Variants in USP25 observed in about 807,000 individuals in gnomAD.
The protein encoded by USP25 is ubiquitin specific peptidase 25, also known as ubiquitin carboxyl-terminal hydrolase 25.
In USP25, 85 loss-of-function variants were observed where a neutral mutation model predicts 158.5. That is an observed-to-expected ratio of 0.54 (90% confidence interval 0.45 to 0.64). The LOEUF is 0.64. Among genes scored for constraint, USP25 ranks in the 30% least tolerant of loss-of-function variants. The pLI, the probability that USP25 is intolerant of heterozygous loss-of-function variation, is 0.00. For missense variants in USP25, 1,242 were observed against 1,327.3 expected (o/e 0.94, Z 1.00); for synonymous variants, 464 against 460.4 (o/e 1.01, Z -0.10).
At chr21:15,793,656 TA>T (rs1282442612) in intron 5 of USP25, among the ~76,000 whole-genome samples, 3 of 151,534 alleles carry the variant, frequency 2.0e-5, no homozygotes, top group African/African-American at 7.3e-5. Flanking sequence ...CTAGGAGAAG[TA>T]ACCTATAAGC....
At chr21:15,793,045 A>G (rs937982487) in intron 5 of USP25, among the ~76,000 whole-genome samples, 1 of 151,634 alleles carries the variant, frequency 6.6e-6, no homozygotes, top group Admixed American at 6.6e-5. Flanking sequence ...AGGTTTGTGC[A>G]TATGATAATT....
rs181917638 is a variant in USP25 at position 15,777,335 on chromosome 21, T to G, written c.269-569T>G. Among the ~76,000 whole-genome samples the G allele has an allele frequency of 5.1e-3, 778 of 152,278 alleles. 6 individuals carry two copies. The highest frequency in any genetic ancestry group is 0.017 in the African/African-American group (725 of 41,574). ...AGTGAAAGATTCTTATACTTCTTCC[T>G]CCTATAACTCCTTTCCTCAGAGTTA... On this transcript the variant is annotated intron_variant, in intron 3 of 25. Coordinates refer to ENST00000400183, the MANE Select transcript of USP25 (RefSeq NM_001283041.3).
At chr21:15,772,886 T>C (rs1360934777) in intron 3 of USP25, among the ~76,000 whole-genome samples, 1 of 152,192 alleles carries the variant, frequency 6.6e-6, no homozygotes, top group Admixed American at 6.5e-5. Flanking sequence ...GGACCGTATG[T>C]GAGGGATCTT....
At chr21:15,794,084 G>A (rs1330122030) in intron 5 of USP25, among the ~76,000 whole-genome samples, 3 of 151,638 alleles carry the variant, frequency 2.0e-5, no homozygotes, top group South Asian at 4.2e-4. Context: ...TCTCGGGGAT[G>A]GAATTTACTT....
chr21:15,858,470 T>TA (rs2039265126), intron 20 of USP25, among the ~76,000 whole-genome samples: 1 of 151,930 alleles, frequency 6.6e-6, no homozygotes, highest in Middle Eastern at 3.2e-3. Context: ...ATTTTTTTTT[T>TA]AACCAGGTTA....
chr21:15,795,206 A>G (rs1169354120), intron 5 of USP25, among the ~76,000 whole-genome samples: 2 of 151,318 alleles, frequency 1.3e-5, no homozygotes, highest in African/African-American at 4.8e-5. Flanking sequence ...CTTTTGTTTC[A>G]TCTCTCAACA....
At chr21:15,856,534 C>T (rs1440171195) in intron 20 of USP25, among the ~76,000 whole-genome samples, 12 of 151,768 alleles carry the variant, frequency 7.9e-5, no homozygotes, top group African/African-American at 2.7e-4. Context: ...TGCAGTGGCG[C>T]AGTCTCGGCT....
At chr21:15,800,961 G>A (rs2036104765) in intron 6 of USP25, among the ~76,000 whole-genome samples, 2 of 151,390 alleles carry the variant, frequency 1.3e-5, no homozygotes, top group African/African-American at 2.4e-5. Flanking sequence ...AGTCAGGATC[G>A]TCTGACAAAC....
chr21:15,866,665 A>G (rs1166768883), intron 22 of USP25, among the ~76,000 whole-genome samples: 1 of 152,178 alleles, frequency 6.6e-6, no homozygotes, highest in Non-Finnish European at 1.5e-5. Flanking sequence ...TAATTTTGAA[A>G]TCAACTTAGA....
chr21:15,748,620 T>C (rs2032757030), intron 1 of USP25, among the ~76,000 whole-genome samples: 1 of 152,140 alleles, frequency 6.6e-6, no homozygotes, highest in South Asian at 2.1e-4. Context: ...ATTTTTATTA[T>C]GGTTTTACTG....
intron 2 of USP25, 98 bp downstream of exon 2, chr21:15,763,066 T>A: frequency 8.9e-7 from 1 of 1,126,562 alleles, no homozygotes; most frequent in Non-Finnish European, 1.2e-6. Flanking sequence ...GTATACCATG[T>A]GGTAGTTTTA....
chr21:15,769,314 T>C (rs1414780639), intron 3 of USP25, among the ~76,000 whole-genome samples: 1 of 152,110 alleles, frequency 6.6e-6, no homozygotes, highest in Admixed American at 6.6e-5. Context: ...CAAAGAAATC[T>C]TGTGCTCTGC....
chr21:15,844,296 A>T (rs993652611), intron 18 of USP25, among the ~76,000 whole-genome samples: 1 of 152,138 alleles, frequency 6.6e-6, no homozygotes, highest in African/African-American at 2.4e-5. Flanking sequence ...GGTGAAAAGT[A>T]TCTTCAGACT....
At chr21:15,830,110 T>G (rs1243713535) in intron 14 of USP25, among the ~76,000 whole-genome samples, 1 of 152,216 alleles carries the variant, frequency 6.6e-6, no homozygotes, top group Non-Finnish European at 1.5e-5. Context: ...CATAATTTTA[T>G]TTTCACTGGT....
At chr21:15,785,003 T>A (rs966461999) in intron 4 of USP25, among the ~76,000 whole-genome samples, 3 of 150,286 alleles carry the variant, frequency 2.0e-5, no homozygotes, top group African/African-American at 4.9e-5. Context: ...GTATGTTGCC[T>A]ACAAGAGACA....
chr21:15,874,578 A>G (rs2040025330), intron 24 of USP25, 52 bp downstream of exon 24: 1 of 1,519,190 alleles, frequency 6.6e-7, no homozygotes, highest in Non-Finnish European at 8.8e-7. Flanking sequence ...ACATTGGGCA[A>G]GTTTTCCAGA....
At chr21:15,846,548 A>C (rs574535466) in intron 18 of USP25, among the ~76,000 whole-genome samples, 2 of 152,038 alleles carry the variant, frequency 1.3e-5, no homozygotes, top group African/African-American at 4.8e-5. Flanking sequence ...CTCTTTTTCT[A>C]TATATGCTTC....
chr21:15,736,866 T>C, intron 1 of USP25, among the ~76,000 whole-genome samples: 1 of 151,860 alleles, frequency 6.6e-6, no homozygotes, highest in South Asian at 2.1e-4. Flanking sequence ...TTTAACTGTG[T>C]TTTTTGGTCT....
At chr21:15,802,537 C>G (rs2036181739) in intron 6 of USP25, among the ~76,000 whole-genome samples, 1 of 151,488 alleles carries the variant, frequency 6.6e-6, no homozygotes, top group Non-Finnish European at 1.5e-5. Flanking sequence ...TAATTCACCT[C>G]TAAATATCCC....
Sources: gnomAD v4.1 joint callset for allele counts (sites outside exome capture counted in the v4.1 genomes callset) on GRCh38, gnomAD v4.1.1 for gene constraint, MANE v1.5 for transcripts, NCBI Gene and HGNC (gene_info 2026-07-23, HGNC 2026-07-21) for gene names.